Variants in AHCTF1 observed in about 807,000 individuals in gnomAD.
AHCTF1 encodes AT-hook containing transcription factor 1.
In AHCTF1, 24 loss-of-function variants were observed where a neutral mutation model predicts 248.4. The observed-to-expected ratio is 0.10, with a 90% CI of 0.07 to 0.14. AHCTF1 has a LOEUF of 0.14. Ranked by LOEUF, AHCTF1 falls within the 10% of genes least tolerant of loss-of-function variation. The probability of loss-of-function intolerance (pLI) is 1.00; values close to 1 mark genes in which losing one functional copy is unlikely to be tolerated. For missense variants in AHCTF1, 2,206 were observed against 2,636.2 expected, an observed-to-expected ratio of 0.84 and a Z score of 3.57; for synonymous variants, 786 against 929.8, an observed-to-expected ratio of 0.85 and a Z score of 2.81.
chr1:246,879,887 A>T (rs764216964), intron 21 of AHCTF1, among the ~76,000 whole-genome samples: 1 of 152,192 alleles, frequency 6.6e-6, no homozygotes, highest in Non-Finnish European at 1.5e-5. Context: ...CAGCCATCCA[A>T]ATAATGAACT....
At chr1:246,848,500 C>T (rs979489538) in intron 33 of AHCTF1, among the ~76,000 whole-genome samples, 12 of 151,676 alleles carry the variant, frequency 7.9e-5, no homozygotes, top group African/African-American at 2.7e-4. Flanking sequence ...CGTGACCGGC[C>T]AAGTCATCTA....
chr1:246,848,933 G>C (rs540814665), intron 33 of AHCTF1, among the ~76,000 whole-genome samples: 1 of 152,206 alleles, frequency 6.6e-6, no homozygotes, highest in South Asian at 2.1e-4. Flanking sequence ...GATCTATTCA[G>C]CCACACCAGT....
intron 29 of AHCTF1, among the ~76,000 whole-genome samples, chr1:246,859,388 C>A (rs565821328): frequency 1.3e-5 from 2 of 152,286 alleles, no homozygotes; most frequent in South Asian, 4.1e-4. Flanking sequence ...CCCTGGCCCT[C>A]TTGTTAACCA....
At chr1:246,856,557 G>GTGAT (rs1401141604) in intron 30 of AHCTF1, among the ~76,000 whole-genome samples, 4 of 151,750 alleles carry the variant, frequency 2.6e-5, no homozygotes, top group African/African-American at 9.7e-5. Flanking sequence ...TAACTCTCAT[G>GTGAT]TGATTCCTTC....
chr1:246,852,360 T>C (rs1385119942), intron 32 of AHCTF1, among the ~76,000 whole-genome samples: 1 of 94,362 alleles, frequency 1.1e-5, no homozygotes, highest in Non-Finnish European at 2.5e-5. Flanking sequence ...CAAATTTCTA[T>C]AAATAATTAG....
At chr1:246,872,281 C>T (rs1327361400) in intron 24 of AHCTF1, among the ~76,000 whole-genome samples, 1 of 152,120 alleles carries the variant, frequency 6.6e-6, no homozygotes, top group East Asian at 1.9e-4. Context: ...CTCCACTAAC[C>T]CAAGCTGTCC....
At chr1:246,925,069 A>G (rs1043486567) in intron 1 of AHCTF1, among the ~76,000 whole-genome samples, 1 of 152,208 alleles carries the variant, frequency 6.6e-6, no homozygotes, top group African/African-American at 2.4e-5. Context: ...CCCCTCTGAC[A>G]GCCTTTTATA....
chr1:246,905,308 G>A (rs1307759003), intron 6 of AHCTF1, among the ~76,000 whole-genome samples: 3 of 152,028 alleles, frequency 2.0e-5, no homozygotes, highest in Admixed American at 2.0e-4. Flanking sequence ...GACCAGCCTG[G>A]CCAACATGGT....
chr1:246,902,356 G>A (rs1168563964), intron 8 of AHCTF1, among the ~76,000 whole-genome samples, 169 bp downstream of exon 8: 2 of 152,036 alleles, frequency 1.3e-5, no homozygotes, highest in African/African-American at 4.8e-5. Flanking sequence ...GTTATACATA[G>A]CAATCTGGAG....
intron 25 of AHCTF1, 22 bp downstream of exon 25, chr1:246,867,639 T>C (rs754857774): frequency 8.7e-6 from 14 of 1,609,008 alleles, no homozygotes; most frequent in South Asian, 1.1e-5. Flanking sequence ...AGCATGACTA[T>C]GAAACGTGTA....
At chr1:246,881,251 A>T (rs1337118028) in intron 21 of AHCTF1, among the ~76,000 whole-genome samples, 2 of 152,230 alleles carry the variant, frequency 1.3e-5, no homozygotes, top group Non-Finnish European at 2.9e-5. Flanking sequence ...AAGTCATTTT[A>T]AAAAAGAACA....
rs1202780311 is a variant in AHCTF1 at position 246,851,432 on chromosome 1, T to C, written c.4574A>G (p.Gln1525Arg). ...TGAATCTTGAGCTTCAAGCTTTTCT[T>C]GTTCAATCACCTAAATGAATTAAAG... ...PDTQEIHVIEQEKLEAQDSGE... is the reference protein window; with the variant it reads ...PDTQEIHVIEREKLEAQDSGE... Residue 1525 changes from glutamine to arginine, a missense_variant, in exon 33 of 36, where the codon CAA becomes CGA. Transcript: ENST00000648844. 2 of 1,606,360 alleles carry C rather than the reference T, an allele frequency of 1.2e-6. No homozygotes were observed. Among genetic ancestry groups the C allele is most frequent in the Non-Finnish European group, 1.7e-6 (2 of 1,176,610 alleles).
intron 19 of AHCTF1, 72 bp from the exon 20 acceptor site, chr1:246,887,429 A>C (rs1298689901): frequency 7.0e-7 from 1 of 1,430,364 alleles, no homozygotes; most frequent in East Asian, 2.3e-5. Flanking sequence ...TACAATAGGT[A>C]GCAACAAAAT....
At chr1:246,848,956 T>C (rs1052010039) in intron 33 of AHCTF1, among the ~76,000 whole-genome samples, 1 of 152,218 alleles carries the variant, frequency 6.6e-6, no homozygotes, top group African/African-American at 2.4e-5. Flanking sequence ...CTTAACTTTT[T>C]AGACATGTTT....
chr1:246,840,997 TTCTG>T lies in AHCTF1; in HGVS notation c.6609-3_6609del. 6.3e-7 allele frequency: 1 copy of T among 1,592,302 alleles called. No individual in the cohort carries two copies. Among genetic ancestry groups the T allele is most frequent in the Non-Finnish European group, 8.5e-7 (1 of 1,174,390 alleles). ...GACCAAGCACTTTCTTTTTCTGTGT[TTCTG>T]AAAAAAAAAGATATGATCAAGTAAG... On this transcript the variant is annotated splice_acceptor_variant and splice_polypyrimidine_tract_variant and coding_sequence_variant and intron_variant, in exon 36 of 36. Transcript: ENST00000648844. LOFTEE classifies it high-confidence loss of function.
chr1:246,876,019 C>T lies in AHCTF1; in HGVS notation c.3088+18G>A, dbSNP rs1226891987. ...TTTTGATCCAATAGATTATGATATT[C>T]TTCAATGAAATTCTTACCTAATCGA... On this transcript the variant is annotated intron_variant, in intron 24 of 35. Transcript: ENST00000648844. The T allele has an allele frequency of 2.5e-6, 4 of 1,569,838 alleles. No homozygotes were observed. Among genetic ancestry groups the T allele is most frequent in the Non-Finnish European group, 3.5e-6 (4 of 1,155,618 alleles).
At position 246,843,903 on chromosome 1, in the gene AHCTF1, C is replaced by A; in HGVS notation, c.6417G>T (p.Gln2139His). ...ATAAATCCGAAACTAATTCTTTCAG[C>A]TGTGCAGGAACCTCTATTTTTTTAG... ...AKAKKIEVPAQLKELVSDLSS... is the reference protein window; with the variant it reads ...AKAKKIEVPAHLKELVSDLSS... The change falls in exon 34 of 36, where the codon CAG (glutamine) becomes CAT (histidine). Residue 2139 changes from glutamine (Q) to histidine (H), a missense_variant. Physicochemically the swap from Gln to His is conservative, Grantham distance 24. Around this residue, in one of 6 missense-constraint regions of AHCTF1, gnomAD observed 469 missense variants for 470.0 expected, o/e 1.00. Transcript: ENST00000648844. The A allele has an allele frequency of 6.7e-7, 1 of 1,491,192 alleles. No individual in the cohort carries two copies. The highest frequency in any genetic ancestry group is 1.5e-5 in the South Asian group (1 of 66,286). 92.4% of individuals were successfully genotyped at this position (1,491,192 alleles called of 1,614,324 possible). A position where few individuals can be genotyped will look rare whatever the true frequency, so the allele number is the denominator to read the frequency against.
chr1:246,905,784 C>T, intron 5 of AHCTF1, 127 bp from the exon 6 acceptor site: 1 of 676,386 alleles, frequency 1.5e-6, no homozygotes, highest in South Asian at 1.9e-5. Context: ...ATCTGTGGGC[C>T]ATGGCCAAGT....
intron 21 of AHCTF1, among the ~76,000 whole-genome samples, chr1:246,884,759 C>G (rs1233755379): frequency 6.6e-6 from 1 of 152,158 alleles, no homozygotes; most frequent in African/African-American, 2.4e-5. Flanking sequence ...TTGCTCAAAT[C>G]TGGTTGAAGT....
Sources: allele counts gnomAD v4.1 joint callset (sites outside exome capture counted in the v4.1 genomes callset), GRCh38; gene constraint gnomAD v4.1.1; regional missense constraint gnomAD v4.1.1; transcripts MANE v1.5; gene names NCBI Gene and HGNC (gene_info 2026-07-23, HGNC 2026-07-21).